TJP1: variants seen among roughly 807,000 people sequenced by gnomAD.
TJP1 encodes tight junction protein ZO-1.
TJP1 carries 43 observed loss-of-function variants against 194.2 expected under a neutral mutation model. The ratio of observed to expected loss-of-function variants is 0.22; its 90% CI spans 0.17 to 0.29. The LOEUF (loss-of-function observed/expected upper bound fraction) is 0.29, where lower values mean the gene tolerates loss of function less well. Ranked by LOEUF, TJP1 falls within the 10% of genes least tolerant of loss-of-function variation. The pLI, the probability that TJP1 is intolerant of heterozygous loss-of-function variation, is 1.00. For synonymous variants in TJP1, 801 were observed against 779.0 expected (o/e 1.03, Z -0.47); for missense variants, 1,971 against 2,185.7 (o/e 0.90, Z 1.96).
intron 2 of TJP1, among the ~76,000 whole-genome samples, chr15:29,918,556 G>A (rs1596255542): frequency 1.3e-5 from 2 of 152,128 alleles, no homozygotes; most frequent in East Asian, 1.9e-4. Flanking sequence ...GCAATGTGGC[G>A]AAACCCCATC....
chr15:29,738,058 T>C (rs1171135843), intron 10 of TJP1, among the ~76,000 whole-genome samples: 3 of 151,942 alleles, frequency 2.0e-5, no homozygotes, highest in African/African-American at 4.8e-5. Flanking sequence ...TCTAGTTCTC[T>C]GAATGGAAAA....
At chr15:29,887,885 T>C (rs1426408733) in intron 2 of TJP1, among the ~76,000 whole-genome samples, 3 of 152,210 alleles carry the variant, frequency 2.0e-5, no homozygotes, top group African/African-American at 7.2e-5. Flanking sequence ...GGGAAGGCAA[T>C]TTGGCAATAC....
chr15:29,823,303 A>C (rs2050542253), upstream of TJP1: 1 of 152,274 alleles, frequency 6.6e-6, no homozygotes, highest in Non-Finnish European at 1.5e-5. Flanking sequence ...TCCATGGTCC[A>C]GTTTAATCAG....
At chr15:29,966,226 C>T (rs1214493937) in intron 1 of TJP1, among the ~76,000 whole-genome samples, 2 of 152,094 alleles carry the variant, frequency 1.3e-5, no homozygotes, top group African/African-American at 2.4e-5. Context: ...AACTGGCCCG[C>T]GCGCAGTGGC....
chr15:29,857,334 C>T (rs1465356912), intron 2 of TJP1, among the ~76,000 whole-genome samples: 1 of 151,002 alleles, frequency 6.6e-6, no homozygotes, highest in African/African-American at 2.4e-5. Context: ...ATATCTTACC[C>T]ATTTCCTGTT....
At chr15:29,898,023 A>G (rs1241486544) in intron 2 of TJP1, among the ~76,000 whole-genome samples, 1 of 152,152 alleles carries the variant, frequency 6.6e-6, no homozygotes, top group East Asian at 1.9e-4. Flanking sequence ...AAAAGGCATG[A>G]TTGGTTTTGA....
rs1178667197 is a variant in TJP1, at chr15:29,734,391, T to A, written c.1408-9A>T. ...AAATCTACGTTGTTTACCTAATAAATAAGATTTCATAAATCATTCTTGGCT... is the reference window on the plus strand; with the variant it reads ...AAATCTACGTTGTTTACCTAATAAAAAAGATTTCATAAATCATTCTTGGCT... On this transcript the variant is annotated splice_polypyrimidine_tract_variant and intron_variant, in intron 11 of 27. Coordinates refer to ENST00000614355, the MANE Select transcript of TJP1 (RefSeq NM_001330239.4). 1.3e-6 allele frequency: 2 copies of A among 1,572,322 alleles called. No individual in the cohort carries two copies. Among genetic ancestry groups the A allele is most frequent in the East Asian group, 4.5e-5 (2 of 44,578 alleles).
At chr15:29,754,880 A>T (rs368402682) in intron 8 of TJP1, among the ~76,000 whole-genome samples, 5 of 152,340 alleles carry the variant, frequency 3.3e-5, no homozygotes, top group African/African-American at 1.2e-4. Context: ...AGAGAAAATT[A>T]AGCAATATGT....
intron 2 of TJP1, among the ~76,000 whole-genome samples, chr15:29,842,163 G>A (rs537123011): frequency 1.3e-5 from 2 of 152,286 alleles, no homozygotes; most frequent in South Asian, 4.1e-4. Context: ...AACAAAAGCA[G>A]TTGTATCATA....
Position 29,732,483 on chromosome 15 carries a change from A to G in TJP1, c.1967T>C (p.Val656Ala). Residue 656 changes from valine to alanine, a missense_variant, in exon 15 of 28, where the codon GTT becomes GCT. Val to Ala is a moderately conservative substitution (Grantham distance 64, BLOSUM62 0). Coordinates refer to ENST00000614355, the MANE Select transcript of TJP1 (RefSeq NM_001330239.4). ...TTCTCTTGCCAGCTTTTCTCTGGCAACATCAGCTATTGGTCCAAAAATGGT... is the reference window on the plus strand; with the variant it reads ...TTCTCTTGCCAGCTTTTCTCTGGCAGCATCAGCTATTGGTCCAAAAATGGT... ...PVTIFGPIAD[V>A]AREKLAREEP... 2 of 1,614,108 alleles carry G rather than the reference A, an allele frequency of 1.2e-6. No individual in the cohort carries two copies. Among genetic ancestry groups the G allele is most frequent in the East Asian group, 2.2e-5 (1 of 44,876 alleles).
In TJP1 at chr15:29,871,067, A is replaced by G. The variant is rs188156147; in HGVS notation, c.307-70365T>C. 2.6e-5 allele frequency among the ~76,000 whole-genome samples: 4 copies of G among 152,272 alleles called. No individual in the cohort carries two copies. In the East Asian group the frequency reaches 7.8e-4, roughly 30 times the overall value. ...GGCATTTCCCAGAGGCAAGCTCTGAATACTCCGCTGTGTTCTCACTGGACA... is the reference window on the plus strand; with the variant it reads ...GGCATTTCCCAGAGGCAAGCTCTGAGTACTCCGCTGTGTTCTCACTGGACA... On this transcript the variant is annotated intron_variant, in intron 2 of 28. Coordinates refer to the TJP1 transcript ENST00000356107.
At chr15:29,857,324 A>G (rs2051896923) in intron 2 of TJP1, among the ~76,000 whole-genome samples, 1 of 151,422 alleles carries the variant, frequency 6.6e-6, no homozygotes, top group Non-Finnish European at 1.5e-5. Flanking sequence ...TTCTATTTAC[A>G]TATCTTACCC....
intron 1 of TJP1, among the ~76,000 whole-genome samples, chr15:29,967,803 A>T (rs557299823): frequency 6.6e-6 from 1 of 152,206 alleles, no homozygotes. Flanking sequence ...ACTGTGCTCA[A>T]TTGAATTGAA....
chr15:29,888,035 G>A (rs560074121), intron 2 of TJP1, among the ~76,000 whole-genome samples: 9 of 152,084 alleles, frequency 5.9e-5, no homozygotes, highest in South Asian at 4.2e-4. Flanking sequence ...AAACTGAAAC[G>A]ATCTAAAAGT....
intron 10 of TJP1, among the ~76,000 whole-genome samples, chr15:29,739,989 A>G (rs1187973597): frequency 6.6e-6 from 1 of 150,552 alleles, no homozygotes; most frequent in East Asian, 2.0e-4. Flanking sequence ...AAATCTGCCA[A>G]TTTTCTTTTT....
chr15:29,741,191 T>C (rs1006366701), intron 10 of TJP1, 140 bp downstream of exon 10: 4 of 642,602 alleles, frequency 6.2e-6, no homozygotes, highest in Non-Finnish European at 1.0e-5. Context: ...TAGCAGAATG[T>C]TAAATATAAA....
chr15:29,926,254 C>T (rs1433214541), intron 2 of TJP1, among the ~76,000 whole-genome samples: 1 of 152,116 alleles, frequency 6.6e-6, no homozygotes, highest in Non-Finnish European at 1.5e-5. Flanking sequence ...TAATCTTTAT[C>T]CTTATTCCCA....
intron 1 of TJP1, among the ~76,000 whole-genome samples, chr15:29,962,825 C>T (rs1215742436): frequency 3.9e-5 from 6 of 152,144 alleles, no homozygotes; most frequent in Admixed American, 2.6e-4. Context: ...ATGTGCACAA[C>T]TGCCAATAAT....
At chr15:29,741,644 C>T (rs1246518638) in intron 9 of TJP1, among the ~76,000 whole-genome samples, 1 of 152,066 alleles carries the variant, frequency 6.6e-6, no homozygotes, top group Non-Finnish European at 1.5e-5. Flanking sequence ...TCCATAGTTC[C>T]AGCAATCAGA....
Sources: allele counts gnomAD v4.1 joint callset (sites outside exome capture counted in the v4.1 genomes callset), GRCh38; gene constraint gnomAD v4.1.1; transcripts MANE v1.5; gene names NCBI Gene and HGNC (gene_info 2026-07-23, HGNC 2026-07-21).